Variants in ARHGEF3 observed in about 807,000 individuals in gnomAD.
ARHGEF3 encodes 59.8 kDA protein.
In ARHGEF3, 28 loss-of-function variants were observed where a neutral mutation model predicts 63.2. The ratio of observed to expected loss-of-function variants is 0.44; its 90% CI spans 0.33 to 0.61. The LOEUF (loss-of-function observed/expected upper bound fraction) is 0.61. Among genes scored for constraint, ARHGEF3 ranks in the 20% least tolerant of loss-of-function variants. The pLI is 0.03. For missense variants in ARHGEF3, 533 were observed against 659.3 expected, an observed-to-expected ratio of 0.81 and a Z score of 2.10; for synonymous variants, 266 against 254.2, an observed-to-expected ratio of 1.05 and a Z score of -0.44.
At chr3:56,968,031 TAA>T (rs1560093296) in intron 2 of ARHGEF3, among the ~76,000 whole-genome samples, 5 of 26,358 alleles carry the variant, frequency 1.9e-4, no homozygotes, top group Non-Finnish European at 2.6e-4. Flanking sequence ...CATATATATT[TAA>T]TATATATAAA....
chr3:57,051,465 C>G (rs1447028671), intron 1 of ARHGEF3, among the ~76,000 whole-genome samples: 1 of 151,852 alleles, frequency 6.6e-6, no homozygotes, highest in African/African-American at 2.4e-5. Context: ...CCAGCCTGGG[C>G]AACAAGAGTG....
At chr3:56,767,423 A>C (rs530820707) in intron 2 of ARHGEF3, among the ~76,000 whole-genome samples, 50 of 151,922 alleles carry the variant, frequency 3.3e-4, no homozygotes, top group African/African-American at 1.2e-3. Flanking sequence ...TCTACTAAAA[A>C]ATATTAAAAA....
intron 2 of ARHGEF3, among the ~76,000 whole-genome samples, chr3:56,773,216 C>G (rs559267938): frequency 6.6e-6 from 1 of 152,280 alleles, no homozygotes; most frequent in Admixed American, 6.5e-5. Flanking sequence ...ATGTCGTTTT[C>G]ATGTGTCACG....
intron 4 of ARHGEF3, among the ~76,000 whole-genome samples, chr3:56,878,617 G>A (rs761630792): frequency 2.6e-5 from 4 of 152,120 alleles, no homozygotes; most frequent in Non-Finnish European, 5.9e-5. Context: ...CTCTTAACAG[G>A]GGTCTTGGCT....
rs1046650551 is a variant in ARHGEF3 at position 56,727,755 on chromosome 3, C to T, written c.*1515G>A. On this transcript the variant is annotated 3_prime_UTR_variant, in exon 10 of 10. Coordinates refer to ENST00000296315, the MANE Select transcript of ARHGEF3 (RefSeq NM_019555.3). ...TCATCATGTTTAAGACCTATAAATA[C>T]AGAAATATGTTTTACAGGGTAAAAT... 6.6e-6 allele frequency: 1 copy of T among 152,408 alleles called. No individual in the cohort carries two copies. The highest frequency in any genetic ancestry group is 2.4e-5 in the African/African-American group (1 of 41,404). 9.4% of individuals were successfully genotyped at this position (152,408 alleles called of 1,614,324 possible). A position where few individuals can be genotyped will look rare whatever the true frequency, so the allele number is the denominator to read the frequency against.
Position 56,992,024 on chromosome 3 carries a change from C to CTGTGTG in ARHGEF3, c.63-33141_63-33136dup, listed in dbSNP as rs58860849. 4.7e-4 allele frequency among the ~76,000 whole-genome samples: 62 copies of CTGTGTG among 131,716 alleles called. 2 individuals carry two copies. Among genetic ancestry groups the CTGTGTG allele is most frequent in the African/African-American group, 1.5e-3 (52 of 34,448 alleles). The allele number at this position is 131,716 out of a possible 152,430, so 86.4% of individuals were successfully genotyped here. A position where few individuals can be genotyped will look rare whatever the true frequency, so the allele number is the denominator to read the frequency against. On this transcript the variant is annotated intron_variant, in intron 2 of 12. Coordinates refer to the ARHGEF3 transcript ENST00000338458. The stretch of plus-strand genomic sequence containing the variant: ...TCTCACTCTCTCTCCCCTCCTCTCT[C>CTGTGTG]TGTGTGTGTGTGTGTGTGTGTGTGT...
At chr3:56,904,178 T>C (rs1418008791) in intron 3 of ARHGEF3, among the ~76,000 whole-genome samples, 7 of 152,148 alleles carry the variant, frequency 4.6e-5, no homozygotes, top group Non-Finnish European at 1.0e-4. Context: ...TACAGGCACG[T>C]GCCACCATGC....
chr3:57,014,346 A>C (rs1004285049), intron 2 of ARHGEF3, among the ~76,000 whole-genome samples: 4 of 152,200 alleles, frequency 2.6e-5, no homozygotes, highest in Non-Finnish European at 5.9e-5. Flanking sequence ...ACAATAGTGC[A>C]CAGCCTTAAC....
At chr3:56,766,103 C>T (rs2107810575) in intron 2 of ARHGEF3, among the ~76,000 whole-genome samples, 1 of 152,048 alleles carries the variant, frequency 6.6e-6, no homozygotes, top group Middle Eastern at 3.4e-3. Flanking sequence ...CCCCAATTTT[C>T]TTCCTCTACT....
intron 1 of ARHGEF3, among the ~76,000 whole-genome samples, chr3:57,062,849 G>T (rs1416167144): frequency 6.6e-6 from 1 of 152,130 alleles, no homozygotes; most frequent in African/African-American, 2.4e-5. Context: ...TTCTTTACGG[G>T]TTCAACAAAT....
rs78899521 is a variant in ARHGEF3 at position 56,933,094 on chromosome 3, G to A, written c.129+25729C>T. Reference sequence around the variant, plus strand: ...ATGCATGCAAAATAAAGTCAGAACCGAATCTACTGCCAAGCGTCACAAGAT... The same window carrying A: ...ATGCATGCAAAATAAAGTCAGAACCAAATCTACTGCCAAGCGTCACAAGAT... On this transcript the variant is annotated intron_variant, in intron 3 of 12. Transcript: ENST00000338458. Among the ~76,000 whole-genome samples the A allele has an allele frequency of 1.0e-3, 158 of 152,252 alleles. 1 individual carries two copies. The highest frequency in any genetic ancestry group is 3.4e-3 in the African/African-American group (142 of 41,550).
intron 2 of ARHGEF3, among the ~76,000 whole-genome samples, chr3:56,975,475 C>A (rs1325707400): frequency 6.6e-6 from 1 of 152,148 alleles, no homozygotes; most frequent in Non-Finnish European, 1.5e-5. Flanking sequence ...AGAGGGCTCA[C>A]TGTGTCATAG....
At chr3:56,811,531 A>C (rs2038062769) in intron 4 of ARHGEF3, among the ~76,000 whole-genome samples, 1 of 152,186 alleles carries the variant, frequency 6.6e-6, no homozygotes, top group Admixed American at 6.5e-5. Context: ...ATTAGCTGAA[A>C]GTGTTCTGTG....
chr3:56,967,913 A>T (rs9714026), intron 2 of ARHGEF3, among the ~76,000 whole-genome samples: 1 of 69,278 alleles, frequency 1.4e-5, no homozygotes, highest in East Asian at 5.2e-4. Flanking sequence ...TATATTATAT[A>T]TAATATATTA....
intron 8 of ARHGEF3, among the ~76,000 whole-genome samples, chr3:56,735,424 C>T (rs1177035185): frequency 6.6e-6 from 1 of 151,952 alleles, no homozygotes; most frequent in African/African-American, 2.4e-5. Flanking sequence ...ATGACGTTTA[C>T]AACTCTACCG....
Position 56,777,062 on chromosome 3 carries a change from T to C in ARHGEF3, c.97-3246A>G, listed in dbSNP as rs1216442752. Among the ~76,000 whole-genome samples the C allele has an allele frequency of 1.3e-5, 2 of 152,234 alleles. 1 individual carries two copies. Among genetic ancestry groups the C allele is most frequent in the Admixed American group, 1.3e-4 (2 of 15,290 alleles). ...GCACTGGCTAGAACCACCTGTATAT[T>C]GTTGATTACAAGCCAAGACAGTGGG... On this transcript the variant is annotated intron_variant, in intron 1 of 9. Coordinates refer to ENST00000296315, the MANE Select transcript of ARHGEF3 (RefSeq NM_019555.3).
rs371974620 is a variant in ARHGEF3 at position 56,945,217 on chromosome 3, G to A, written c.129+13606C>T. On this transcript the variant is annotated intron_variant, in intron 3 of 12. Coordinates refer to the ARHGEF3 transcript ENST00000338458. ...GATGCAGAAGACGGGTGATTTCTGC[G>A]TTTCCAACTGAGGTACTGGGTTCAT... is the stretch of plus-strand genomic sequence containing the variant. Among the ~76,000 whole-genome samples the A allele has an allele frequency of 5.1e-3, 769 of 152,240 alleles. 8 individuals are homozygous for A. Among genetic ancestry groups the A allele is most frequent in the Middle Eastern group, 0.02 (6 of 294 alleles).
intron 1 of ARHGEF3, among the ~76,000 whole-genome samples, chr3:56,799,682 G>C (rs961721288): frequency 2.0e-5 from 3 of 152,110 alleles, no homozygotes; most frequent in Non-Finnish European, 4.4e-5. Flanking sequence ...GGCCTACAAG[G>C]GTTGGCTGCC....
chr3:56,811,223 T>C (rs781147762), intron 4 of ARHGEF3, among the ~76,000 whole-genome samples: 29 of 152,346 alleles, frequency 1.9e-4, no homozygotes, highest in Admixed American at 7.8e-4. Context: ...TACAATCTGG[T>C]ATCCAAGGTT....
Sources: allele counts gnomAD v4.1 joint callset (sites outside exome capture counted in the v4.1 genomes callset), GRCh38; gene constraint gnomAD v4.1.1; transcripts MANE v1.5; gene names NCBI Gene and HGNC (gene_info 2026-07-23, HGNC 2026-07-21).